The following FAM171A2 variants were observed in gnomAD, a reference collection of about 807,000 sequenced individuals.
FAM171A2 encodes the protein family with sequence similarity 171 member A2, also known as protein FAM171A2.
A neutral mutation model predicts 34.2 loss-of-function variants in FAM171A2; 13 were observed. The ratio of observed to expected loss-of-function variants is 0.38; its 90% CI spans 0.25 to 0.60. The LOEUF (loss-of-function observed/expected upper bound fraction) is 0.60. Among genes scored for constraint, FAM171A2 ranks in the 20% least tolerant of loss-of-function variants. The probability of loss-of-function intolerance (pLI) is 0.62; values close to 1 mark genes in which losing one functional copy is unlikely to be tolerated. For synonymous variants in FAM171A2, 475 were observed against 561.2 expected (o/e 0.85, Z 2.17); for missense variants, 950 against 1,180.7 (o/e 0.80, Z 2.86).
In FAM171A2 at chr17:44,355,565, A is replaced by G. The variant is rs977647200; in HGVS notation, c.1022+150T>C. 2 of 1,209,170 alleles carry G rather than the reference A, an allele frequency of 1.7e-6. No homozygotes were observed. The highest frequency in any genetic ancestry group is 2.5e-5 in the Admixed American group (1 of 40,156). The allele number at this position is 1,209,170 out of a possible 1,614,324, so 74.9% of individuals were successfully genotyped here. ...CCCTCCCACCTCCCCGCTGTCTTCA[A>G]CCACCAGCACCAGCCCTTCAGGTCT... is the stretch of plus-strand genomic sequence containing the variant. On this transcript the variant is annotated intron_variant, in intron 7 of 7. Transcript: ENST00000293443. This position sits in a 1 kb window ranked among gnomAD's most constrained non-coding sequence, Gnocchi z 4.1.
intron 3 of FAM171A2, among the ~76,000 whole-genome samples, chr17:44,357,730 C>CTGTGTGTGTGTGTGTGT (rs142224027): frequency 7.0e-6 from 1 of 143,268 alleles, no homozygotes; most frequent in African/African-American, 2.6e-5. Flanking sequence ...CAGTTTAGGT[C>CTGTGTGTGTGTGTGTGT]GTGTGTGTGT....
Position 44,358,552 on chromosome 17 carries a change from G to A in FAM171A2, c.439+1027C>T, listed in dbSNP as rs192400964. Among the ~76,000 whole-genome samples, 203 of 152,146 alleles carry A rather than the reference G, an allele frequency of 1.3e-3. 1 individual carries two copies. Among genetic ancestry groups the A allele is most frequent in the Admixed American group, 2.0e-3 (30 of 15,270 alleles). On this transcript the variant is annotated intron_variant, in intron 3 of 7. Transcript: ENST00000293443. ...CTAAAAATACAAAAATTAGTCTGGC[G>A]TGGTGATGGGTGCCTGTAATCCCAG...
Position 44,355,296 on chromosome 17 carries a change from T to TG in FAM171A2, c.1023-106dup. On this transcript the variant is annotated intron_variant, in intron 7 of 7. Coordinates refer to ENST00000293443, the MANE Select transcript of FAM171A2 (RefSeq NM_198475.3). The surrounding 1 kb of genome is among the most constrained non-coding windows in gnomAD (Gnocchi z 4.1). ...CAAGAGACGAATATAGTGGAAGAGGTGGGGAGAATGCCTGGGGCGCTCAGG... is the reference window on the plus strand; with the variant it reads ...CAAGAGACGAATATAGTGGAAGAGGTGGGGGAGAATGCCTGGGGCGCTCAGG... 1.4e-6 allele frequency: 2 copies of TG among 1,470,260 alleles called. No homozygotes were observed. The highest frequency in any genetic ancestry group is 1.8e-6 in the Non-Finnish European group (2 of 1,114,860). The allele number at this position is 1,470,260 out of a possible 1,614,324, so 91.1% of individuals were successfully genotyped here.
rs558710790 is a variant in FAM171A2, at chr17:44,359,955, C to T, written c.296G>A (p.Arg99His). ...CACAGAGTTGGTGAGGAAGCCAGGG[C>T]GGGCAGCAGTGACCAGCACCCAGGT... ...LGTWVLVTAA[R>H]PGFLTNSVPW... The change falls in exon 2 of 8, where the codon CGC (arginine) becomes CAC (histidine). Residue 99 changes from arginine (R) to histidine (H), a missense_variant. Arg to His is a conservative substitution (Grantham distance 29, BLOSUM62 0). Around this residue, in one of 3 missense-constraint regions of FAM171A2, gnomAD observed 752 missense variants for 924.5 expected, o/e 0.81. Coordinates refer to ENST00000293443, the MANE Select transcript of FAM171A2 (RefSeq NM_198475.3). 54 of 1,550,588 alleles carry T rather than the reference C, an allele frequency of 3.5e-5. No individual in the cohort carries two copies. In the East Asian group the frequency reaches 4.9e-4, roughly 14 times the overall value.
At position 44,355,363 on chromosome 17, in the gene FAM171A2, C is replaced by G. The variant is rs947397758; in HGVS notation, c.1023-172G>C. Among the ~76,000 whole-genome samples, 9 of 152,214 alleles carry G rather than the reference C, an allele frequency of 5.9e-5. No individual in the cohort carries two copies. Among genetic ancestry groups the G allele is most frequent in the African/African-American group, 1.9e-4 (8 of 41,458 alleles). On this transcript the variant is annotated intron_variant, in intron 7 of 7. Coordinates refer to ENST00000293443, the MANE Select transcript of FAM171A2 (RefSeq NM_198475.3). This position sits in a 1 kb window ranked among gnomAD's most constrained non-coding sequence, Gnocchi z 4.1. ...CGCCGTGTCCGTTTGGCGATCCCCT[C>G]AGGGTCAACTCTGCACTCCTCTGCA...
At position 44,356,262 on chromosome 17, in the gene FAM171A2, G is replaced by A. The variant is rs1317110807; in HGVS notation, c.689C>T (p.Pro230Leu). ...GNGTEVPLSG[P>L]IHLSLPVPSE... ...GGGCACGGGCAGGGACAGGTGAATG[G>A]GGCCTGAGAGCGGCACCTCTGTCCC... Residue 230 changes from proline (P) to leucine (L), a missense_variant, in exon 5 of 8, where the codon CCC becomes CTC. Around this residue, in one of 3 missense-constraint regions of FAM171A2, gnomAD observed 752 missense variants for 924.5 expected, o/e 0.81. Transcript: ENST00000293443. 6.4e-7 allele frequency: 1 copy of A among 1,551,452 alleles called. No homozygotes were observed. Among genetic ancestry groups the A allele is most frequent in the Non-Finnish European group, 8.7e-7 (1 of 1,146,916 alleles).
chr17:44,359,325 GA>G, intron 3 of FAM171A2: 2 of 507,126 alleles, frequency 3.9e-6, no homozygotes, highest in South Asian at 4.5e-5. Context: ...ATGGAGAATA[GA>G]AACCACGAGA....
chr17:44,354,006 C>G lies in FAM171A2; in HGVS notation c.2208G>C (p.Glu736Asp). 1 of 1,209,568 alleles carries G rather than the reference C, an allele frequency of 8.3e-7. No homozygotes were observed. Among genetic ancestry groups the G allele is most frequent in the African/African-American group, 1.6e-5 (1 of 62,604 alleles). The allele number at this position is 1,209,568 out of a possible 1,614,324, so 74.9% of individuals were successfully genotyped here. ...LSEDTEPSSSESRTGLCSPED... is the reference protein window; with the variant it reads ...LSEDTEPSSSDSRTGLCSPED... ...CCGGAGAGCAGAGGCCCGTGCGGCT[C>G]TCGCTGCTGCTGGGCTCCGTGTCCT... The change falls in exon 8 of 8, where the codon GAG becomes GAC. Residue 736 changes from glutamate to aspartate, a missense_variant. Physicochemically the swap from Glu to Asp is conservative, Grantham distance 45. Transcript: ENST00000293443. The surrounding 1 kb of genome is among the most constrained non-coding windows in gnomAD (Gnocchi z 5.8).
At chr17:44,360,193 A>G in intron 1 of FAM171A2, 61 bp from the exon 2 acceptor site, 8 of 1,371,654 alleles carry the variant, frequency 5.8e-6, no homozygotes, top group South Asian at 2.7e-5. Flanking sequence ...AACTGGGGGG[A>G]GCCCCAAGAT....
rs2048404791 is a variant in FAM171A2 at position 44,353,918 on chromosome 17, C to T, written c.2296G>A (p.Val766Ile). Reference sequence around the variant, plus strand: ...CGGCTGCGGCCCCGCCCCCGGGGTACCGTGGCCGCCCGGCCCTCGGGCGCC... The same window carrying T: ...CGGCTGCGGCCCCGCCCCCGGGGTATCGTGGCCGCCCGGCCCTCGGGCGCC... ...VAAPEGRAAT[V>I]PRGRGRSRGD... is the part of the protein sequence containing the mutation. Residue 766 changes from valine (V) to isoleucine (I), a missense_variant, in exon 8 of 8, where the codon GTA becomes ATA. By Grantham distance (29) the Val-to-Ile change is conservative. Transcript: ENST00000293443. 1.5e-6 allele frequency: 2 copies of T among 1,296,662 alleles called. No homozygotes were observed. The highest frequency in any genetic ancestry group is 4.3e-5 in the Admixed American group (1 of 23,382). 80.3% of individuals were successfully genotyped at this position (1,296,662 alleles called of 1,614,324 possible). A position where few individuals can be genotyped will look rare whatever the true frequency, so the allele number is the denominator to read the frequency against.
intron 3 of FAM171A2, 64 bp downstream of exon 3, chr17:44,359,515 G>T: frequency 1.5e-6 from 2 of 1,361,460 alleles, no homozygotes; most frequent in Non-Finnish European, 2.1e-6. Context: ...ATAGGACAGT[G>T]GAGGTCTCTA....
chr17:44,354,910 C>T lies in FAM171A2; in HGVS notation c.1304G>A (p.Gly435Glu), dbSNP rs1444710386. Residue 435 changes from glycine to glutamate, a missense_variant, in exon 8 of 8, where the codon GGG becomes GAG. This residue lies in a region of FAM171A2 where 752 missense variants were observed against 924.5 expected (regional missense o/e 0.81). Transcript: ENST00000293443. The surrounding 1 kb of genome is among the most constrained non-coding windows in gnomAD (Gnocchi z 5.8). ...RPAAEPSGAR[G>E]GESAGLKGAR... ...GCCCTTGAGCCCGGCGCTCTCGCCC[C>T]CGCGGGCACCCGAAGGCTCGGCGGC... 9 of 1,406,508 alleles carry T rather than the reference C, an allele frequency of 6.4e-6. No homozygotes were observed. In the Admixed American group the frequency reaches 3.1e-4, roughly 49 times the overall value. 87.1% of individuals were successfully genotyped at this position (1,406,508 alleles called of 1,614,324 possible). A position where few individuals can be genotyped will look rare whatever the true frequency, so the allele number is the denominator to read the frequency against.
At chr17:44,356,654 A>C in intron 3 of FAM171A2, 66 bp from the exon 4 acceptor site, 1 of 1,452,580 alleles carries the variant, frequency 6.9e-7, no homozygotes, top group Non-Finnish European at 9.1e-7. Context: ...CAGAGCAGAA[A>C]CCCATTATCT....
rs1224154018 is a variant in FAM171A2, at chr17:44,355,676, T to C, written c.1022+39A>G. 3.2e-6 allele frequency: 5 copies of C among 1,550,208 alleles called. No individual in the cohort carries two copies. The East Asian group carries it at 9.8e-5, about 30-fold the overall frequency. On this transcript the variant is annotated intron_variant, in intron 7 of 7. Transcript: ENST00000293443. This position sits in a 1 kb window ranked among gnomAD's most constrained non-coding sequence, Gnocchi z 4.1. ...GCATCTTTGGGGCCCCAGGGCCCGG[T>C]ACAAGTGCAGGGGAGGGTGAGGGAA...
rs1332483886 is a variant in FAM171A2, at chr17:44,353,271, C to G, written c.*462G>C. 1 of 243,864 alleles carries G rather than the reference C, an allele frequency of 4.1e-6. No individual in the cohort carries two copies. The highest frequency in any genetic ancestry group is 8.1e-6 in the Non-Finnish European group (1 of 122,712). 15.1% of individuals were successfully genotyped at this position (243,864 alleles called of 1,614,324 possible). ...CCACATCGGCTGTATCACATTACCCCCTAGTCCCCAGAGCTGTCCCAGCCA... is the reference window on the plus strand; with the variant it reads ...CCACATCGGCTGTATCACATTACCCGCTAGTCCCCAGAGCTGTCCCAGCCA... On this transcript the variant is annotated 3_prime_UTR_variant, in exon 8 of 8. Coordinates refer to ENST00000293443, the MANE Select transcript of FAM171A2 (RefSeq NM_198475.3).
Position 44,363,026 on chromosome 17 carries a change from G to A in FAM171A2, c.118+571C>T, listed in dbSNP as rs551019287. Among the ~76,000 whole-genome samples, 82 of 152,236 alleles carry A rather than the reference G, an allele frequency of 5.4e-4. 1 individual carries two copies. Among genetic ancestry groups the A allele is most frequent in the African/African-American group, 1.6e-3 (65 of 41,544 alleles). The stretch of plus-strand genomic sequence containing the variant: ...TGGTGCACCCCAAACTCTAAACCAG[G>A]GGGGCTGGCTGGGAGCTGTCAGGCT... On this transcript the variant is annotated intron_variant, in intron 1 of 7. Transcript: ENST00000293443.
At position 44,353,553 on chromosome 17, in the gene FAM171A2, C is replaced by T. The variant is rs1406832625; in HGVS notation, c.*180G>A. 8.1e-6 allele frequency: 3 copies of T among 372,034 alleles called. No homozygotes were observed. Among genetic ancestry groups the T allele is most frequent in the Non-Finnish European group, 8.6e-6 (2 of 231,632 alleles). The allele number at this position is 372,034 out of a possible 1,614,324, so 23.0% of individuals were successfully genotyped here. A position where few individuals can be genotyped will look rare whatever the true frequency, so the allele number is the denominator to read the frequency against. On this transcript the variant is annotated 3_prime_UTR_variant, in exon 8 of 8. Transcript: ENST00000293443. ...CCCCCCCTCCTCCCCGGCTTGGAGGCAGACACAGGGTCCCTTGCAAGACAC... is the reference window on the plus strand; with the variant it reads ...CCCCCCCTCCTCCCCGGCTTGGAGGTAGACACAGGGTCCCTTGCAAGACAC...
At position 44,363,550 on chromosome 17, in the gene FAM171A2, CA is replaced by C. The variant is rs1008727682; in HGVS notation, c.118+46del. The C allele has an allele frequency of 6.6e-5, 63 of 948,060 alleles. No individual in the cohort carries two copies. The South Asian group carries it at 7.5e-4, about 11-fold the overall frequency. 58.7% of individuals were successfully genotyped at this position (948,060 alleles called of 1,614,324 possible). On this transcript the variant is annotated intron_variant, in intron 1 of 7. Transcript: ENST00000293443. ...GGGGGCTGACGGGCGGGAGCCTGAT[CA>C]GGGGGCGCAGGCCCGCGATCGCGGC...
In FAM171A2 at chr17:44,355,099, G is replaced by A; in HGVS notation, c.1115C>T (p.Ser372Phe). The stretch of plus-strand genomic sequence containing the variant: ...TCCCCCACAGATGAGGTGGAGCTGG[G>A]ACATCGAGGTGGCCTGGTCTCGTTT... ...GNKRDQATSM[S>F]QLHLICGGPL... The change falls in exon 8 of 8, where the codon TCC becomes TTC. Residue 372 changes from serine (S) to phenylalanine (F), a missense_variant. Transcript: ENST00000293443. This position sits in a 1 kb window ranked among gnomAD's most constrained non-coding sequence, Gnocchi z 4.1. 1.3e-6 allele frequency: 2 copies of A among 1,550,944 alleles called. No individual in the cohort carries two copies. Among genetic ancestry groups the A allele is most frequent in the Non-Finnish European group, 1.7e-6 (2 of 1,146,936 alleles).
Sources: allele counts gnomAD v4.1 joint callset (sites outside exome capture counted in the v4.1 genomes callset), GRCh38; gene constraint gnomAD v4.1.1; regional missense constraint gnomAD v4.1.1; non-coding constraint Gnocchi (gnomAD v3.1); transcripts MANE v1.5; gene names NCBI Gene and HGNC (gene_info 2026-07-23, HGNC 2026-07-21).